ADGRG7: variants seen among roughly 807,000 people sequenced by gnomAD.
ADGRG7 encodes the protein G-protein coupled receptor 128.
Under a neutral mutation model 88.6 loss-of-function variants are expected in ADGRG7, and 82 were observed. The ratio of observed to expected loss-of-function variants is 0.93; its 90% CI spans 0.77 to 1.11. The LOEUF (loss-of-function observed/expected upper bound fraction) is 1.11. Among genes scored for constraint, ADGRG7 ranks in the 50% most tolerant of loss-of-function variants. ADGRG7 has a pLI of 0.00. For missense variants in ADGRG7, 945 were observed against 953.4 expected (o/e 0.99, Z 0.12); for synonymous variants, 381 against 345.2 (o/e 1.10, Z -1.15).
chr3:100,674,112 A>T (rs2094961971), intron 15 of ADGRG7, among the ~76,000 whole-genome samples: 1 of 152,092 alleles, frequency 6.6e-6, no homozygotes, highest in South Asian at 2.1e-4. Context: ...TTCAAAGGAC[A>T]TCTTTATTTC....
intron 15 of ADGRG7, among the ~76,000 whole-genome samples, chr3:100,683,533 C>T (rs1157396306): frequency 1.3e-5 from 2 of 152,232 alleles, no homozygotes; most frequent in Non-Finnish European, 2.9e-5. Context: ...AGCTGCCTGC[C>T]CCACCGCAGC....
intron 15 of ADGRG7, among the ~76,000 whole-genome samples, chr3:100,688,176 T>C (rs1473477079): frequency 1.6e-4 from 24 of 152,244 alleles, no homozygotes; most frequent in Admixed American, 5.2e-4. Flanking sequence ...GAGGTGTTTA[T>C]AGTATTCTCT....
intron 15 of ADGRG7, among the ~76,000 whole-genome samples, chr3:100,687,986 G>A (rs895326804): frequency 1.4e-4 from 21 of 152,034 alleles, no homozygotes; most frequent in Non-Finnish European, 2.2e-4. Flanking sequence ...GGTAGAATTC[G>A]GCTGTGAATC....
At chr3:100,621,571 G>A (rs78732959) in intron 1 of ADGRG7, among the ~76,000 whole-genome samples, 2,498 of 152,298 alleles carry the variant, frequency 0.016, 71 homozygotes, top group African/African-American at 0.057. Context: ...GGCTGAGAGA[G>A]TTGAGAAAAC....
intron 1 of ADGRG7, among the ~76,000 whole-genome samples, chr3:100,613,363 A>C (rs1470017757): frequency 6.6e-6 from 1 of 152,144 alleles, no homozygotes. Context: ...CCTGGAGTAT[A>C]TTTGCATTTG....
chr3:100,655,722 C>T (rs1252437115), intron 12 of ADGRG7, among the ~76,000 whole-genome samples, 177 bp from the exon 13 acceptor site: 2 of 152,190 alleles, frequency 1.3e-5, no homozygotes, highest in Non-Finnish European at 2.9e-5. Context: ...AGGGAAAACA[C>T]TTGGAGAAAA....
intron 5 of ADGRG7, among the ~76,000 whole-genome samples, chr3:100,636,031 A>G (rs1707534709): frequency 6.6e-6 from 1 of 152,192 alleles, no homozygotes; most frequent in African/African-American, 2.4e-5. Flanking sequence ...ATTTTATTTT[A>G]GGATATTCCT....
intron 6 of ADGRG7, 146 bp from the exon 7 acceptor site, chr3:100,643,120 A>C: frequency 1.4e-6 from 1 of 737,452 alleles, no homozygotes; most frequent in Non-Finnish European, 2.2e-6. Flanking sequence ...CTAGAAAAGA[A>C]AACCAATTAT....
chr3:100,618,167 G>T (rs1331076110), intron 1 of ADGRG7, among the ~76,000 whole-genome samples: 4 of 152,118 alleles, frequency 2.6e-5, no homozygotes, highest in Admixed American at 2.6e-4. Flanking sequence ...TCTGTAGGTT[G>T]CCTGTTCACT....
intron 15 of ADGRG7, among the ~76,000 whole-genome samples, chr3:100,689,809 T>G (rs1444080682): frequency 6.6e-6 from 1 of 152,188 alleles, no homozygotes; most frequent in African/African-American, 2.4e-5. Flanking sequence ...CCCTTAACAT[T>G]TTTTCCTTCA....
rs564204509 is a variant in ADGRG7 at position 100,684,266 on chromosome 3, T to TATTTATTTATTTA, written c.2137-10477_2137-10465dup. Among the ~76,000 whole-genome samples the TATTTATTTATTTA allele has an allele frequency of 3.4e-3, 508 of 150,830 alleles. 6 individuals carry two copies. The highest frequency in any genetic ancestry group is 5.0e-3 in the Non-Finnish European group (340 of 67,688). On this transcript the variant is annotated intron_variant, in intron 15 of 15. Coordinates refer to ENST00000273352, the MANE Select transcript of ADGRG7 (RefSeq NM_032787.3). ...AGTTTTTCCATTTTATCTATTTATT[T>TATTTATTTATTTA]ATTTATTTATTTATTGAGACAGGGT...
intron 1 of ADGRG7, among the ~76,000 whole-genome samples, chr3:100,622,769 T>C (rs900264515): frequency 6.6e-6 from 1 of 152,054 alleles, no homozygotes; most frequent in Non-Finnish European, 1.5e-5. Flanking sequence ...TTCTTTTTTT[T>C]CCTTTTTTTT....
chr3:100,684,138 T>C (rs1366487111), intron 15 of ADGRG7, among the ~76,000 whole-genome samples: 2 of 152,102 alleles, frequency 1.3e-5, no homozygotes, highest in Admixed American at 6.5e-5. Context: ...ATCTAATTTA[T>C]TTATGCTAAT....
chr3:100,654,973 T>TG lies in ADGRG7; in HGVS notation c.1519dup (p.Asp507GlyfsTer3), dbSNP rs1235093717. The TG allele has an allele frequency of 1.2e-6, 2 of 1,614,002 alleles. No individual in the cohort carries two copies. Among genetic ancestry groups the TG allele is most frequent in the Admixed American group, 3.3e-5 (2 of 60,000 alleles). ...CAAGTGATGGTGACATCAATAATAT[T>TG]GACTTTGACAATAATGACATACCCA... On this transcript the variant is annotated frameshift_variant, in exon 12 of 16. Coordinates refer to ENST00000273352, the MANE Select transcript of ADGRG7 (RefSeq NM_032787.3). LOFTEE classifies it high-confidence loss of function.
intron 3 of ADGRG7, among the ~76,000 whole-genome samples, chr3:100,632,131 CAT>C (rs1052003555): frequency 6.6e-6 from 1 of 152,086 alleles, no homozygotes; most frequent in Admixed American, 6.6e-5. Flanking sequence ...ACTTACAAAA[CAT>C]AACTGTGCTA....
chr3:100,684,434 T>C (rs1300084917), intron 15 of ADGRG7, among the ~76,000 whole-genome samples: 1 of 151,906 alleles, frequency 6.6e-6, no homozygotes, highest in Admixed American at 6.6e-5. Flanking sequence ...TGACTAATTT[T>C]TTTCCAATTA....
intron 1 of ADGRG7, among the ~76,000 whole-genome samples, chr3:100,624,602 T>C (rs1707358819): frequency 6.6e-6 from 1 of 152,172 alleles, no homozygotes; most frequent in Non-Finnish European, 1.5e-5. Flanking sequence ...CATCATGAAG[T>C]CTTTGCACAT....
chr3:100,673,883 T>A (rs546824726), intron 15 of ADGRG7, among the ~76,000 whole-genome samples: 13 of 152,338 alleles, frequency 8.5e-5, no homozygotes, highest in Non-Finnish European at 1.6e-4. Flanking sequence ...TGGTCTGATC[T>A]TAGTTATTTC....
intron 14 of ADGRG7, among the ~76,000 whole-genome samples, chr3:100,660,492 C>A (rs571042512): frequency 1.3e-5 from 2 of 151,790 alleles, no homozygotes; most frequent in African/African-American, 4.8e-5. Flanking sequence ...TTTTTTATAG[C>A]GATATAGTCT....
Sources: allele counts gnomAD v4.1 joint callset (sites outside exome capture counted in the v4.1 genomes callset), GRCh38; gene constraint gnomAD v4.1.1; transcripts MANE v1.5; gene names NCBI Gene and HGNC (gene_info 2026-07-23, HGNC 2026-07-21).